The following FRYL variants were observed in gnomAD, a reference collection of about 807,000 sequenced individuals.
The protein encoded by FRYL is protein furry homolog-like.
A neutral mutation model predicts 351.2 loss-of-function variants in FRYL; 150 were observed. The ratio of observed to expected loss-of-function variants is 0.43; its 90% CI spans 0.37 to 0.49. The LOEUF (loss-of-function observed/expected upper bound fraction) is 0.49, where lower values mean the gene tolerates loss of function less well. Among genes scored for constraint, FRYL ranks in the 20% least tolerant of loss-of-function variants. The probability of loss-of-function intolerance (pLI) is 0.00; values close to 1 mark genes in which losing one functional copy is unlikely to be tolerated. For synonymous variants in FRYL, 1,153 were observed against 1,257.1 expected (o/e 0.92, Z 1.75); for missense variants, 3,036 against 3,619.3 (o/e 0.84, Z 4.13).
chr4:48,628,081 A>G (rs1161864739), intron 4 of FRYL, among the ~76,000 whole-genome samples: 2 of 152,184 alleles, frequency 1.3e-5, no homozygotes, highest in East Asian at 1.9e-4. Flanking sequence ...TCAATATATT[A>G]GTATTTTTTA....
chr4:48,604,557 TGCTTCTACAA>T (rs1746358005), intron 11 of FRYL, among the ~76,000 whole-genome samples: 1 of 143,434 alleles, frequency 7.0e-6, no homozygotes, highest in Non-Finnish European at 1.6e-5. Flanking sequence ...TTCAGAACCA[TGCTTCTACAA>T]GCCAAGAAAC....
chr4:48,627,575 A>T (rs1233482026), intron 4 of FRYL, among the ~76,000 whole-genome samples: 4 of 152,168 alleles, frequency 2.6e-5, no homozygotes, highest in African/African-American at 9.7e-5. Context: ...TTTTTTCCAT[A>T]AGAACTCAGA....
At chr4:48,624,809 A>G (rs1380575618) in intron 4 of FRYL, among the ~76,000 whole-genome samples, 1 of 152,174 alleles carries the variant, frequency 6.6e-6, no homozygotes, top group Non-Finnish European at 1.5e-5. Flanking sequence ...GCCTTCCCCT[A>G]TGTGGGTAGG....
At position 48,624,332 on chromosome 4, in the gene FRYL, C is replaced by T. The variant is rs568860624; in HGVS notation, c.121-1153G>A. On this transcript the variant is annotated intron_variant, in intron 4 of 63. Coordinates refer to ENST00000358350, the MANE Select transcript of FRYL (RefSeq NM_015030.2). ...AGTAATATCTACAAAACACAGAAGA[C>T]GTGGTGGGACTCACTGTGGAAAGCT... Among the ~76,000 whole-genome samples the T allele has an allele frequency of 8.2e-4, 125 of 152,048 alleles. 2 individuals are homozygous for T. The South Asian group carries it at 0.025, about 31-fold the overall frequency.
At chr4:48,747,272 A>G (rs1772792687) in intron 1 of FRYL, among the ~76,000 whole-genome samples, 2 of 152,280 alleles carry the variant, frequency 1.3e-5, no homozygotes, top group Non-Finnish European at 2.9e-5. Context: ...ATAATTTTAA[A>G]GTGAGTGATA....
intron 42 of FRYL, 143 bp from the exon 43 acceptor site, chr4:48,545,047 A>G (rs1188070991): frequency 1.4e-6 from 1 of 722,134 alleles, no homozygotes; most frequent in African/African-American, 1.8e-5. Context: ...ACTTAGGCAC[A>G]TGAATATGTA....
intron 13 of FRYL, among the ~76,000 whole-genome samples, chr4:48,597,525 C>T (rs922022232): frequency 1.3e-5 from 2 of 151,988 alleles, no homozygotes; most frequent in African/African-American, 4.8e-5. Context: ...AATTTACCCA[C>T]AGGAAATCTC....
intron 3 of FRYL, among the ~76,000 whole-genome samples, chr4:48,652,709 A>C (rs1285520057): frequency 6.6e-6 from 1 of 152,220 alleles, no homozygotes; most frequent in Non-Finnish European, 1.5e-5. Context: ...CAATATTTTC[A>C]CTTTCATATT....
chr4:48,519,491 C>CTT (rs869060152), intron 55 of FRYL, among the ~76,000 whole-genome samples: 1 of 123,288 alleles, frequency 8.1e-6, no homozygotes. Flanking sequence ...AATGTAATTT[C>CTT]TTTTTTTTTT....
chr4:48,575,390 T>C (rs559664513), intron 24 of FRYL, 149 bp from the exon 25 acceptor site: 139 of 812,912 alleles, frequency 1.7e-4, no homozygotes, highest in Non-Finnish European at 2.5e-4. Context: ...GGGGTGTACA[T>C]AACTTAAAAG....
At chr4:48,634,206 A>T in intron 4 of FRYL, 85 bp downstream of exon 4, 4 of 992,704 alleles carry the variant, frequency 4.0e-6, no homozygotes, top group Non-Finnish European at 6.3e-6. Flanking sequence ...TTTCAAGTAT[A>T]TTATTTCCTT....
At chr4:48,500,761 C>T (rs765114585) in intron 62 of FRYL, among the ~76,000 whole-genome samples, 27 of 152,072 alleles carry the variant, frequency 1.8e-4, no homozygotes, top group Admixed American at 5.9e-4. Context: ...TGTTTTTTAA[C>T]ATGTTTTTTC....
At position 48,581,469 on chromosome 4, in the gene FRYL, C is replaced by T. The variant is rs756330191; in HGVS notation, c.2123G>A (p.Ser708Asn). The change falls in exon 21 of 64, where the codon AGT (serine) becomes AAT (asparagine). Residue 708 changes from serine (S) to asparagine (N), a missense_variant. Physicochemically the swap from Ser to Asn is conservative, Grantham distance 46. Around this residue, in one of 7 missense-constraint regions of FRYL, gnomAD observed 492 missense variants for 551.5 expected, o/e 0.89. Transcript: ENST00000358350. ...TAAAGCCCGTATTTCTCTAAGGACA[C>T]TGACGGCTAGTCTCCTAGTGGCAGG... ...SRPATRRLAV[S>N]VLREIRALFA... 2 of 1,613,652 alleles carry T rather than the reference C, an allele frequency of 1.2e-6. No individual in the cohort carries two copies. The highest frequency in any genetic ancestry group is 1.3e-5 in the African/African-American group (1 of 74,874).
In FRYL at chr4:48,576,242, A is replaced by G. The variant is rs775507675; in HGVS notation, c.2529-20T>C. 6.5e-7 allele frequency: 1 copy of G among 1,547,968 alleles called. No individual in the cohort carries two copies. Among genetic ancestry groups the G allele is most frequent in the Non-Finnish European group, 8.7e-7 (1 of 1,145,266 alleles). ...GGGCTACTAAGGAAAAAAAAAGAAA[A>G]ATAGGCAGATATGAATAACACAACA... is the stretch of plus-strand genomic sequence containing the variant. On this transcript the variant is annotated intron_variant, in intron 23 of 63. Transcript: ENST00000358350.
intron 6 of FRYL, 40 bp downstream of exon 6, chr4:48,620,599 T>C: frequency 6.4e-7 from 1 of 1,562,804 alleles, no homozygotes; most frequent in Non-Finnish European, 8.7e-7. Context: ...ATTGGAAGTG[T>C]GTTAATTCCA....
chr4:48,753,344 A>G (rs1046975990), intron 1 of FRYL, among the ~76,000 whole-genome samples: 5 of 152,060 alleles, frequency 3.3e-5, no homozygotes, highest in African/African-American at 4.8e-5. Flanking sequence ...GTTAGGGGGG[A>G]AGGTGGAGAA....
intron 4 of FRYL, among the ~76,000 whole-genome samples, chr4:48,631,984 T>C (rs813856): frequency 0.99 from 139,973 of 141,566 alleles, 69,212 homozygotes; most frequent in East Asian, 1. Context: ...ACCTGGGAGG[T>C]GAAGGTTGCA....
chr4:48,691,067 C>T (rs1005288955), intron 2 of FRYL, among the ~76,000 whole-genome samples: 4 of 152,186 alleles, frequency 2.6e-5, no homozygotes, highest in Non-Finnish European at 4.4e-5. Flanking sequence ...CAAATTCCCA[C>T]AGATGATTTA....
intron 10 of FRYL, 74 bp downstream of exon 10, chr4:48,606,364 T>C: frequency 1.1e-6 from 1 of 931,506 alleles, no homozygotes; most frequent in Non-Finnish European, 1.6e-6. Context: ...GTGTATTTTG[T>C]TTCTTTTAAA....
Sources: allele counts gnomAD v4.1 joint callset (sites outside exome capture counted in the v4.1 genomes callset), GRCh38; gene constraint gnomAD v4.1.1; regional missense constraint gnomAD v4.1.1; transcripts MANE v1.5; gene names NCBI Gene and HGNC (gene_info 2026-07-23, HGNC 2026-07-21).